The following COLEC12 variants were observed in gnomAD, a reference collection of about 807,000 sequenced individuals.
COLEC12 encodes the protein collectin subfamily member 12.
In COLEC12, 33 loss-of-function variants were observed where a neutral mutation model predicts 71.1. The ratio of observed to expected loss-of-function variants is 0.46; its 90% CI spans 0.35 to 0.62. The LOEUF is 0.62. Among genes scored for constraint, COLEC12 ranks in the 20% least tolerant of loss-of-function variants. COLEC12 has a pLI of 0.00. For synonymous variants in COLEC12, 350 were observed against 353.0 expected (o/e 0.99, Z 0.10); for missense variants, 765 against 916.1 (o/e 0.84, Z 2.13).
chr18:348,280 G>A (rs1914431513), intron 3 of COLEC12, 117 bp from the exon 4 acceptor site: 3 of 605,236 alleles, frequency 5.0e-6, no homozygotes, highest in Non-Finnish European at 8.5e-6. Context: ...CGAAAACAGT[G>A]TAACTGAAAT....
chr18:432,457 T>A (rs1295719231), intron 2 of COLEC12, among the ~76,000 whole-genome samples: 1 of 152,196 alleles, frequency 6.6e-6, no homozygotes, highest in Admixed American at 6.5e-5. Context: ...GGGTCTCAAT[T>A]TCTTTATACA....
intron 2 of COLEC12, among the ~76,000 whole-genome samples, chr18:361,819 G>A (rs934655403): frequency 6.6e-6 from 1 of 152,152 alleles, no homozygotes; most frequent in African/African-American, 2.4e-5. Flanking sequence ...AGGACTGGGT[G>A]GCACTCCCAT....
At chr18:412,422 T>C (rs1598355283) in intron 2 of COLEC12, among the ~76,000 whole-genome samples, 1 of 149,808 alleles carries the variant, frequency 6.7e-6, no homozygotes, top group Non-Finnish European at 1.5e-5. Context: ...GAAGGAAAAC[T>C]AAGTGATATC....
At chr18:491,989 G>C (rs1046854184) in intron 1 of COLEC12, among the ~76,000 whole-genome samples, 1 of 152,144 alleles carries the variant, frequency 6.6e-6, no homozygotes, top group Non-Finnish European at 1.5e-5. Flanking sequence ...TCAATGCAGC[G>C]TAACAAAGTA....
At chr18:421,151 C>A (rs778703499) in intron 2 of COLEC12, among the ~76,000 whole-genome samples, 1 of 152,230 alleles carries the variant, frequency 6.6e-6, no homozygotes, top group Non-Finnish European at 1.5e-5. Flanking sequence ...GTTGTGAAAA[C>A]TCTATATTAA....
Position 321,670 on chromosome 18 carries a change from C to G in COLEC12, c.2201G>C (p.Arg734Thr), listed in dbSNP as rs1194406893. Residue 734 changes from arginine to threonine, a missense_variant, in exon 9 of 10, where the codon AGG becomes ACG. Physicochemically the swap from Arg to Thr is moderately conservative, Grantham distance 71. Coordinates refer to ENST00000400256, the MANE Select transcript of COLEC12 (RefSeq NM_130386.3). ...TCCCATCTACTGCTCACCTGTCTCC[C>G]TGTCTTTTTCGCAAATGAAGTTATT... Reference protein sequence around the residue: ...DVNNFICEKDRETVLSSAL With the variant: ...DVNNFICEKDTETVLSSAL 2 of 1,614,202 alleles carry G rather than the reference C, an allele frequency of 1.2e-6. No individual in the cohort carries two copies. The highest frequency in any genetic ancestry group is 1.3e-5 in the African/African-American group (1 of 75,070).
At chr18:469,158 G>A (rs546542145) in intron 2 of COLEC12, among the ~76,000 whole-genome samples, 25 of 152,236 alleles carry the variant, frequency 1.6e-4, no homozygotes, top group Non-Finnish European at 3.5e-4. Flanking sequence ...TTGCACAGAC[G>A]GAAAGAGGTG....
At chr18:403,950 C>T (rs1184924356) in intron 2 of COLEC12, among the ~76,000 whole-genome samples, 2 of 152,136 alleles carry the variant, frequency 1.3e-5, no homozygotes, top group South Asian at 2.1e-4. Context: ...AATATATAAC[C>T]CTGGGCATCT....
At chr18:360,178 CTTTT>C (rs778619867) in intron 2 of COLEC12, among the ~76,000 whole-genome samples, 1 of 141,652 alleles carries the variant, frequency 7.1e-6, no homozygotes, top group African/African-American at 2.6e-5. Context: ...ATTTGGATTT[CTTTT>C]TTTTTTTTTT....
At chr18:379,562 A>G (rs1915187284) in intron 2 of COLEC12, among the ~76,000 whole-genome samples, 2 of 152,230 alleles carry the variant, frequency 1.3e-5, no homozygotes, top group Admixed American at 6.5e-5. Flanking sequence ...AACAAAGAGT[A>G]GAGAGAAAGA....
At chr18:343,320 G>T (rs557354389) in intron 5 of COLEC12, among the ~76,000 whole-genome samples, 27 of 152,254 alleles carry the variant, frequency 1.8e-4, no homozygotes, top group African/African-American at 6.0e-4. Context: ...AGGCTCAGGT[G>T]GGGGAGGCCG....
chr18:351,221 A>C (rs1028143075), intron 3 of COLEC12, among the ~76,000 whole-genome samples: 6 of 151,758 alleles, frequency 4.0e-5, no homozygotes, highest in African/African-American at 1.5e-4. Context: ...TCATAATGAA[A>C]TGTGTGCACT....
rs147354214 is a variant in COLEC12, at chr18:346,545, C to A, written c.1077G>T (p.Thr359=). The change falls in exon 5 of 10, where the codon ACG becomes ACT. Residue 359 remains threonine, a synonymous_variant. Transcript: ENST00000400256. The surrounding 1 kb of genome is among the most constrained non-coding windows in gnomAD (Gnocchi z 4.0). ...TGACTTCATTTAGATTGCTGGTCAG[C>A]GTCCGCAGGTGGTGGGCTGTGTAAC... The part of the protein sequence containing the change: ...NISYTAHHLR[T]LTSNLNEVRT... 1 of 1,614,160 alleles carries A rather than the reference C, an allele frequency of 6.2e-7. No individual in the cohort carries two copies. Among genetic ancestry groups the A allele is most frequent in the South Asian group, 1.1e-5 (1 of 91,078 alleles).
Position 500,554 on chromosome 18 carries a change from G to A in COLEC12, c.-40C>T. ...CGCACCGCCGGCCGGGGAGCTCCGCGCGAGCGCCGCGCAGCCGAGGAAGTC... is the reference window on the plus strand; with the variant it reads ...CGCACCGCCGGCCGGGGAGCTCCGCACGAGCGCCGCGCAGCCGAGGAAGTC... On this transcript the variant is annotated 5_prime_UTR_variant, in exon 1 of 10. Transcript: ENST00000400256. This position sits in a 1 kb window ranked among gnomAD's most constrained non-coding sequence, Gnocchi z 5.3. 3 of 1,219,384 alleles carry A rather than the reference G, an allele frequency of 2.5e-6. No individual in the cohort carries two copies. Among genetic ancestry groups the A allele is most frequent in the South Asian group, 8.0e-5 (2 of 25,018 alleles). 75.5% of individuals were successfully genotyped at this position (1,219,384 alleles called of 1,614,324 possible). A position where few individuals can be genotyped will look rare whatever the true frequency, so the allele number is the denominator to read the frequency against.
intron 1 of COLEC12, among the ~76,000 whole-genome samples, chr18:481,533 C>T (rs1000291711): frequency 4.6e-5 from 7 of 152,156 alleles, no homozygotes; most frequent in African/African-American, 1.4e-4. Flanking sequence ...GGTGAAACCC[C>T]ATCTCTACTA....
intron 2 of COLEC12, among the ~76,000 whole-genome samples, chr18:360,844 A>T (rs181529410): frequency 6.6e-6 from 1 of 152,304 alleles, no homozygotes; most frequent in Admixed American, 6.5e-5. Flanking sequence ...CTTGTTTATT[A>T]TAATTTTTCC....
At position 346,585 on chromosome 18, in the gene COLEC12, A is replaced by T. The variant is rs370404532; in HGVS notation, c.1037T>A (p.Ile346Asn). The T allele has an allele frequency of 1.8e-5, 29 of 1,614,106 alleles. No homozygotes were observed. The highest frequency in any genetic ancestry group is 2.5e-5 in the Non-Finnish European group (29 of 1,180,038). Residue 346 changes from isoleucine to asparagine, a missense_variant, in exon 5 of 10, where the codon ATC (isoleucine) becomes AAC (asparagine). Transcript: ENST00000400256. This position sits in a 1 kb window ranked among gnomAD's most constrained non-coding sequence, Gnocchi z 4.0. ...FQLFETDIVN[I>N]ISNISYTAHH... ...GGCTGTGTAACTGATATTGCTAATG[A>T]TGTTCACAATATCCGTCTCAAAGAG...
At chr18:361,437 A>T (rs612879) in intron 2 of COLEC12, among the ~76,000 whole-genome samples, 1 of 151,964 alleles carries the variant, frequency 6.6e-6, no homozygotes, top group South Asian at 2.1e-4. Flanking sequence ...ACTGGAATCT[A>T]GCCTCACCCT....
chr18:373,477 T>C (rs1471191407), intron 2 of COLEC12, among the ~76,000 whole-genome samples: 2 of 152,218 alleles, frequency 1.3e-5, no homozygotes, highest in African/African-American at 2.4e-5. Flanking sequence ...TTTGTACTAA[T>C]TCCTCAGTGA....
Sources: gnomAD v4.1 joint callset for allele counts (sites outside exome capture counted in the v4.1 genomes callset) on GRCh38, gnomAD v4.1.1 for gene constraint, Gnocchi (gnomAD v3.1) non-coding constraint, MANE v1.5 for transcripts, NCBI Gene and HGNC (gene_info 2026-07-23, HGNC 2026-07-21) for gene names.